Variants in RAPGEF6 observed in about 807,000 individuals in gnomAD.
The protein encoded by RAPGEF6 is Rap guanine nucleotide exchange factor 6, also known as PDZ domain containing guanine nucleotide exchange factor (GEF) 2.
In RAPGEF6, 56 loss-of-function variants were observed where a neutral mutation model predicts 171.4. That is an observed-to-expected ratio of 0.33 (90% CI 0.26 to 0.41). The LOEUF (loss-of-function observed/expected upper bound fraction) is 0.41, where lower values mean the gene tolerates loss of function less well. Among genes scored for constraint, RAPGEF6 ranks in the 10% least tolerant of loss-of-function variants. RAPGEF6 has a pLI of 1.00. For synonymous variants in RAPGEF6, 692 were observed against 650.1 expected (o/e 1.06, Z -0.98); for missense variants, 1,674 against 1,921.4 (o/e 0.87, Z 2.41).
intron 7 of RAPGEF6, among the ~76,000 whole-genome samples, chr5:131,518,480 C>T (rs1433920879): frequency 1.3e-5 from 2 of 151,870 alleles, no homozygotes; most frequent in Non-Finnish European, 2.9e-5. Context: ...TCACCGCAAC[C>T]TCCGCCTCCT....
At chr5:131,569,299 T>C (rs1303520035) in intron 4 of RAPGEF6, among the ~76,000 whole-genome samples, 2 of 152,160 alleles carry the variant, frequency 1.3e-5, no homozygotes, top group African/African-American at 4.8e-5. Context: ...GTTGTAAGAC[T>C]TACTGGATTT....
intron 7 of RAPGEF6, among the ~76,000 whole-genome samples, chr5:131,516,582 T>C (rs1004732680): frequency 7.2e-5 from 11 of 152,222 alleles, no homozygotes; most frequent in African/African-American, 2.7e-4. Flanking sequence ...AATGTGTGTC[T>C]GGAGTTGTTT....
Position 131,499,450 on chromosome 5 carries a change from C to G in RAPGEF6, c.1255-843G>C, listed in dbSNP as rs181032704. Among the ~76,000 whole-genome samples, 642 of 151,568 alleles carry G rather than the reference C, an allele frequency of 4.2e-3. 8 individuals carry two copies. Among genetic ancestry groups the G allele is most frequent in the African/African-American group, 0.015 (609 of 41,332 alleles). On this transcript the variant is annotated intron_variant, in intron 11 of 27. Transcript: ENST00000509018. The stretch of plus-strand genomic sequence containing the variant: ...ACAAAAATTGGCTGGGTGTGGTGGC[C>G]GGCGCCTATAATCCCAGCTACTCAG...
chr5:131,507,554 C>A (rs923307250), intron 9 of RAPGEF6, among the ~76,000 whole-genome samples: 3 of 152,138 alleles, frequency 2.0e-5, no homozygotes, highest in Non-Finnish European at 4.4e-5. Flanking sequence ...CACCCATCCA[C>A]AAGCTGTCAT....
intron 4 of RAPGEF6, among the ~76,000 whole-genome samples, chr5:131,581,971 G>T (rs1381916963): frequency 6.6e-6 from 1 of 152,074 alleles, no homozygotes; most frequent in East Asian, 1.9e-4. Flanking sequence ...CCCAGCCCTT[G>T]AGAATGTACT....
At chr5:131,459,824 G>C (rs1753789771) in intron 19 of RAPGEF6, among the ~76,000 whole-genome samples, 1 of 152,150 alleles carries the variant, frequency 6.6e-6, no homozygotes, top group African/African-American at 2.4e-5. Flanking sequence ...TATCTCTGGG[G>C]AGAGGAATTT....
intron 5 of RAPGEF6, among the ~76,000 whole-genome samples, chr5:131,554,441 C>G (rs1407553414): frequency 6.6e-6 from 1 of 152,130 alleles, no homozygotes; most frequent in East Asian, 1.9e-4. Context: ...AGCTAAAATA[C>G]TGGACAATAG....
At position 131,537,400 on chromosome 5, in the gene RAPGEF6, T is replaced by C. The variant is rs571173437; in HGVS notation, c.495+10647A>G. Among the ~76,000 whole-genome samples the C allele has an allele frequency of 1.5e-3, 222 of 152,284 alleles. 1 individual carries two copies. The highest frequency in any genetic ancestry group is 5.1e-3 in the African/African-American group (212 of 41,548). On this transcript the variant is annotated intron_variant, in intron 6 of 27. Coordinates refer to ENST00000509018, the MANE Select transcript of RAPGEF6 (RefSeq NM_016340.6). ...AATAAAGACAATTTTAAAATGCCTA[T>C]TGAGAAGTTACCAATATTCATGTAG...
chr5:131,598,589 A>G (rs1310408565), intron 3 of RAPGEF6, among the ~76,000 whole-genome samples: 1 of 152,216 alleles, frequency 6.6e-6, no homozygotes, highest in African/African-American at 2.4e-5. Flanking sequence ...AAGGAGTAAC[A>G]AGAACACTGA....
intron 6 of RAPGEF6, among the ~76,000 whole-genome samples, chr5:131,522,421 T>C (rs962126220): frequency 6.6e-6 from 1 of 152,178 alleles, no homozygotes; most frequent in African/African-American, 2.4e-5. Flanking sequence ...ATTTAATTTT[T>C]AAAATAGGGT....
intron 7 of RAPGEF6, among the ~76,000 whole-genome samples, chr5:131,515,505 C>T (rs1327490770): frequency 6.6e-6 from 1 of 152,146 alleles, no homozygotes; most frequent in Non-Finnish European, 1.5e-5. Flanking sequence ...TTCCTAAATG[C>T]CAACACTGTG....
chr5:131,546,369 G>A (rs1760529947), intron 6 of RAPGEF6, among the ~76,000 whole-genome samples: 1 of 152,138 alleles, frequency 6.6e-6, no homozygotes, highest in African/African-American at 2.4e-5. Context: ...ACTTTGGGAT[G>A]CCGAGGTGTG....
chr5:131,469,666 C>G (rs1754610873), intron 17 of RAPGEF6: 8 of 589,496 alleles, frequency 1.4e-5, no homozygotes, highest in Middle Eastern at 9.4e-4. Context: ...CCAGTTAATA[C>G]TGGCTACCTT....
At chr5:131,486,682 T>C (rs573938379) in intron 15 of RAPGEF6, among the ~76,000 whole-genome samples, 1 of 152,142 alleles carries the variant, frequency 6.6e-6, no homozygotes, top group African/African-American at 2.4e-5. Flanking sequence ...TCAATGATTG[T>C]TGTTTATTCT....
intron 6 of RAPGEF6, among the ~76,000 whole-genome samples, chr5:131,530,921 C>G (rs1429673064): frequency 1.3e-5 from 2 of 152,148 alleles, no homozygotes; most frequent in Non-Finnish European, 2.9e-5. Flanking sequence ...GTGCAGCTAT[C>G]AAGCATCAGC....
chr5:131,458,447 T>C (rs927674360), intron 19 of RAPGEF6, among the ~76,000 whole-genome samples: 5 of 152,188 alleles, frequency 3.3e-5, no homozygotes, highest in Non-Finnish European at 5.9e-5. Flanking sequence ...TTAAACCTCT[T>C]TTCTTTATAA....
At chr5:131,615,445 C>G (rs778606090) in intron 1 of RAPGEF6, among the ~76,000 whole-genome samples, 6 of 152,086 alleles carry the variant, frequency 3.9e-5, no homozygotes, top group Non-Finnish European at 8.8e-5. Flanking sequence ...ACTATATTAT[C>G]TATTAGGCAT....
chr5:131,613,758 C>T (rs952527026), intron 1 of RAPGEF6, among the ~76,000 whole-genome samples: 2 of 152,178 alleles, frequency 1.3e-5, no homozygotes, highest in Non-Finnish European at 2.9e-5. Flanking sequence ...TTATAAGTTT[C>T]AGTGGAGTTC....
intron 9 of RAPGEF6, among the ~76,000 whole-genome samples, chr5:131,506,650 T>C (rs1222494519): frequency 6.6e-6 from 1 of 152,158 alleles, no homozygotes; most frequent in African/African-American, 2.4e-5. Context: ...ACTACACAAC[T>C]TGTGGATTAA....
Sources: gnomAD v4.1 joint callset for allele counts (sites outside exome capture counted in the v4.1 genomes callset) on GRCh38, gnomAD v4.1.1 for gene constraint, MANE v1.5 for transcripts, NCBI Gene and HGNC (gene_info 2026-07-23, HGNC 2026-07-21) for gene names.